RPTOR: variants seen among roughly 807,000 people sequenced by gnomAD.
The protein encoded by RPTOR is regulatory-associated protein of mTOR.
RPTOR carries 21 observed loss-of-function variants against 169.9 expected under a neutral mutation model. The ratio of observed to expected loss-of-function variants is 0.12; its 90% CI spans 0.09 to 0.18. The LOEUF (loss-of-function observed/expected upper bound fraction) is 0.18, where lower values mean the gene tolerates loss of function less well. Ranked by LOEUF, RPTOR falls within the 10% of genes least tolerant of loss-of-function variation. The pLI is 1.00. For missense variants in RPTOR, 1,133 were observed against 1,855.9 expected (o/e 0.61, Z 7.16); for synonymous variants, 732 against 753.2 (o/e 0.97, Z 0.46).
chr17:80,708,925 C>T lies in RPTOR; in HGVS notation c.507+926C>T, dbSNP rs1025797859. On this transcript the variant is annotated intron_variant, in intron 4 of 33. Coordinates refer to ENST00000306801, the MANE Select transcript of RPTOR (RefSeq NM_020761.3). This position sits in a 1 kb window ranked among gnomAD's most constrained non-coding sequence, Gnocchi z 4.2. Reference sequence around the variant, plus strand: ...TCTGCTTCCTTAGTGTGGACACCGCCTCCTGCCATCATAGTGAGGACTCTG... The same window carrying T: ...TCTGCTTCCTTAGTGTGGACACCGCTTCCTGCCATCATAGTGAGGACTCTG... 7 of 985,666 alleles carry T rather than the reference C, an allele frequency of 7.1e-6. No homozygotes were observed. In the East Asian group the frequency reaches 6.8e-4, roughly 96 times the overall value. The allele number at this position is 985,666 out of a possible 1,614,324, so 61.1% of individuals were successfully genotyped here. A position where few individuals can be genotyped will look rare whatever the true frequency, so the allele number is the denominator to read the frequency against.
chr17:80,781,114 C>G (rs1388206839), intron 6 of RPTOR, among the ~76,000 whole-genome samples: 1 of 152,192 alleles, frequency 6.6e-6, no homozygotes, highest in African/African-American at 2.4e-5. Context: ...TAACACACAT[C>G]TAAGCGGGGA....
chr17:80,905,949 C>T (rs1328134126), intron 20 of RPTOR, among the ~76,000 whole-genome samples: 1 of 152,182 alleles, frequency 6.6e-6, no homozygotes, highest in Non-Finnish European at 1.5e-5. Flanking sequence ...AGCCCCTTCA[C>T]GGGGCAGTCG....
At chr17:80,716,836 C>A (rs2066243293) in intron 4 of RPTOR, among the ~76,000 whole-genome samples, 1 of 152,130 alleles carries the variant, frequency 6.6e-6, no homozygotes, top group Non-Finnish European at 1.5e-5. Flanking sequence ...GTCTTTTCCC[C>A]ACTTTATGAT....
rs149007813 is a variant in RPTOR at position 80,741,754 on chromosome 17, A to G, written c.654+11048A>G. Reference sequence around the variant, plus strand: ...GGTCGGTGTCATCCTAGAACAGACAATGGCTGAAGCCACGGGATGGTGACG... The same window carrying G: ...GGTCGGTGTCATCCTAGAACAGACAGTGGCTGAAGCCACGGGATGGTGACG... On this transcript the variant is annotated intron_variant, in intron 5 of 33. Coordinates refer to ENST00000306801, the MANE Select transcript of RPTOR (RefSeq NM_020761.3). Among the ~76,000 whole-genome samples, 24 of 152,248 alleles carry G rather than the reference A, an allele frequency of 1.6e-4. No homozygotes were observed. In the East Asian group the frequency reaches 3.1e-3, roughly 20 times the overall value.
chr17:80,674,787 C>CAAAAAAAAA (rs9319608), intron 3 of RPTOR, among the ~76,000 whole-genome samples: 24 of 89,970 alleles, frequency 2.7e-4, no homozygotes, highest in African/African-American at 4.1e-4. Flanking sequence ...GACTCTGTCT[C>CAAAAAAAAA]AAAAAAAAAA....
intron 3 of RPTOR, among the ~76,000 whole-genome samples, chr17:80,644,551 G>A (rs534462491): frequency 5.9e-5 from 9 of 152,248 alleles, no homozygotes; most frequent in Middle Eastern, 3.4e-3. Context: ...ATGGACTCGA[G>A]TTACCTAAAG....
chr17:80,877,099 G>C (rs1226975669), intron 13 of RPTOR, among the ~76,000 whole-genome samples: 1 of 152,008 alleles, frequency 6.6e-6, no homozygotes, highest in Non-Finnish European at 1.5e-5. Flanking sequence ...GCCACGCAGG[G>C]AGTGTGTGTT....
chr17:80,586,918 A>T (rs950543638), intron 1 of RPTOR, among the ~76,000 whole-genome samples: 8 of 152,238 alleles, frequency 5.3e-5, no homozygotes, highest in African/African-American at 1.9e-4. Context: ...GCTGGCAAGC[A>T]GGTCCTGCAT....
At chr17:80,798,028 C>A (rs1420541620) in intron 7 of RPTOR, among the ~76,000 whole-genome samples, 1 of 152,230 alleles carries the variant, frequency 6.6e-6, no homozygotes, top group East Asian at 1.9e-4. Flanking sequence ...CCTTATTTCC[C>A]TTCACTGAAC....
rs74707011 is a variant in RPTOR at position 80,893,272 on chromosome 17, G to A, written c.2242+403G>A. On this transcript the variant is annotated intron_variant, in intron 19 of 33. Transcript: ENST00000306801. The stretch of plus-strand genomic sequence containing the variant: ...TGCCAGGGTGTGTGCGCCAGGGTGC[G>A]TGTGTACCAGGGTGTGTGTGCGCCG... Among the ~76,000 whole-genome samples the A allele has an allele frequency of 1.6e-3, 243 of 150,470 alleles. 6 individuals are homozygous for A. In the East Asian group the frequency reaches 0.04, roughly 25 times the overall value.
At chr17:80,945,630 G>A (rs929946461) in intron 25 of RPTOR, 37 bp from the exon 26 acceptor site, 5 of 1,264,066 alleles carry the variant, frequency 4.0e-6, no homozygotes, top group South Asian at 2.6e-5. Context: ...AAAAGATGCT[G>A]GCTCCTGGAT....
chr17:80,586,607 C>G (rs948573566), intron 1 of RPTOR, among the ~76,000 whole-genome samples: 2 of 152,242 alleles, frequency 1.3e-5, no homozygotes, highest in African/African-American at 2.4e-5. Flanking sequence ...CAGCCCTCCC[C>G]TCTCTCCTCC....
intron 21 of RPTOR, among the ~76,000 whole-genome samples, chr17:80,917,129 T>TC (rs1382579226): frequency 6.6e-6 from 1 of 151,726 alleles, no homozygotes; most frequent in African/African-American, 2.4e-5. Flanking sequence ...TTTTTTTTTT[T>TC]TGAGACTGAG....
At position 80,611,769 on chromosome 17, in the gene RPTOR, TA is replaced by T. The variant is rs146259280; in HGVS notation, c.163-13914del. Among the ~76,000 whole-genome samples, 765 of 142,746 alleles carry T rather than the reference TA, an allele frequency of 5.4e-3. 1 individual carries two copies. The highest frequency in any genetic ancestry group is 0.014 in the Admixed American group (196 of 14,014). The allele number at this position is 142,746 out of a possible 152,430, so 93.6% of individuals were successfully genotyped here. On this transcript the variant is annotated intron_variant, in intron 1 of 33. Coordinates refer to ENST00000306801, the MANE Select transcript of RPTOR (RefSeq NM_020761.3). ...TCTTTTATAGCTGTTTTTTTTTTTTTAAAAAAAACAAAATCTACTCATTATG... is the reference window on the plus strand; with the variant it reads ...TCTTTTATAGCTGTTTTTTTTTTTTTAAAAAAACAAAATCTACTCATTATG...
At chr17:80,923,461 T>C in intron 22 of RPTOR, 29 bp from the exon 23 acceptor site, 1 of 1,613,014 alleles carries the variant, frequency 6.2e-7, no homozygotes, top group South Asian at 1.1e-5. Context: ...CTGCAGAGGA[T>C]GCAGTGTTTG....
chr17:80,629,911 A>G (rs1261736192), intron 2 of RPTOR, among the ~76,000 whole-genome samples: 1 of 152,226 alleles, frequency 6.6e-6, no homozygotes, highest in Non-Finnish European at 1.5e-5. Flanking sequence ...GCTGTTGGAC[A>G]TTGTACTGCA....
intron 1 of RPTOR, among the ~76,000 whole-genome samples, chr17:80,549,114 T>G (rs1361450685): frequency 6.6e-6 from 1 of 152,232 alleles, no homozygotes; most frequent in African/African-American, 2.4e-5. Flanking sequence ...TCCTGCCATC[T>G]TTGTTTTGAA....
chr17:80,572,954 T>C (rs918067034), intron 1 of RPTOR, among the ~76,000 whole-genome samples: 1 of 152,260 alleles, frequency 6.6e-6, no homozygotes, highest in African/African-American at 2.4e-5. Flanking sequence ...TTTTCTTTCC[T>C]GTTTAAGTTT....
Position 80,627,204 on chromosome 17 carries a change from G to A in RPTOR, c.265+1411G>A, listed in dbSNP as rs546791544. Among the ~76,000 whole-genome samples the A allele has an allele frequency of 1.1e-3, 168 of 152,332 alleles. 1 individual carries two copies. The highest frequency in any genetic ancestry group is 5.6e-4 in the Non-Finnish European group (38 of 68,034). On this transcript the variant is annotated intron_variant, in intron 2 of 33. Coordinates refer to ENST00000306801, the MANE Select transcript of RPTOR (RefSeq NM_020761.3). ...CCAGGCAATTTTTGTATTTTTAGTAGAGATGGGGTTTCACCATTTTGGCCA... is the reference window on the plus strand; with the variant it reads ...CCAGGCAATTTTTGTATTTTTAGTAAAGATGGGGTTTCACCATTTTGGCCA...
Sources: allele counts gnomAD v4.1 joint callset (sites outside exome capture counted in the v4.1 genomes callset), GRCh38; gene constraint gnomAD v4.1.1; non-coding constraint Gnocchi (gnomAD v3.1); transcripts MANE v1.5; gene names NCBI Gene and HGNC (gene_info 2026-07-23, HGNC 2026-07-21).